Variants in JADE1 observed in about 807,000 individuals in gnomAD.
The protein encoded by JADE1 is jade family PHD finger 1.
Under a neutral mutation model 81.8 loss-of-function variants are expected in JADE1, and 14 were observed. The ratio of observed to expected loss-of-function variants is 0.17; its 90% CI spans 0.11 to 0.27. The LOEUF (loss-of-function observed/expected upper bound fraction) is 0.27. Ranked by LOEUF, JADE1 falls within the 10% of genes least tolerant of loss-of-function variation. The pLI is 1.00. For missense variants in JADE1, 690 were observed against 1,047.9 expected (o/e 0.66, Z 4.71); for synonymous variants, 353 against 391.9 (o/e 0.90, Z 1.17).
At chr4:128,828,868 C>A (rs1728293507) in intron 1 of JADE1, among the ~76,000 whole-genome samples, 1 of 152,188 alleles carries the variant, frequency 6.6e-6, no homozygotes, top group Non-Finnish European at 1.5e-5. Context: ...CCGGTCTCAA[C>A]TCCTAGGTTC....
intron 7 of JADE1, among the ~76,000 whole-genome samples, chr4:128,857,050 C>T (rs776076639): frequency 2.0e-5 from 3 of 152,140 alleles, no homozygotes; most frequent in Non-Finnish European, 2.9e-5. Context: ...CGGCATTGTC[C>T]TGGTACATGA....
At chr4:128,819,905 C>T (rs984174535) in intron 1 of JADE1, among the ~76,000 whole-genome samples, 6 of 152,136 alleles carry the variant, frequency 3.9e-5, no homozygotes, top group African/African-American at 1.4e-4. Context: ...GGAGAGTGCC[C>T]CTCCACCCAC....
chr4:128,857,222 C>T, intron 7 of JADE1, 116 bp from the exon 8 acceptor site: 2 of 809,504 alleles, frequency 2.5e-6, no homozygotes, highest in Admixed American at 2.0e-5. Flanking sequence ...GTGGGTGCCC[C>T]TTGCCACTGT....
At chr4:128,861,598 T>C in intron 8 of JADE1, 106 bp from the exon 9 acceptor site, 1 of 1,234,856 alleles carries the variant, frequency 8.1e-7, no homozygotes, top group Non-Finnish European at 1.1e-6. Flanking sequence ...GCTTGAAGCA[T>C]GGCTCTTCTC....
intron 6 of JADE1, among the ~76,000 whole-genome samples, chr4:128,853,982 G>C (rs1409819114): frequency 6.6e-6 from 1 of 152,238 alleles, no homozygotes; most frequent in Non-Finnish European, 1.5e-5. Context: ...TTTGTTCTGT[G>C]ACATGAGCAT....
chr4:128,859,066 T>C (rs1374677588), intron 8 of JADE1, among the ~76,000 whole-genome samples: 1 of 152,292 alleles, frequency 6.6e-6, no homozygotes, highest in African/African-American at 2.4e-5. Flanking sequence ...GGAGATATTT[T>C]TGGCATGTGA....
intron 1 of JADE1, among the ~76,000 whole-genome samples, chr4:128,822,012 T>C (rs2125804863): frequency 6.6e-6 from 1 of 152,358 alleles, no homozygotes; most frequent in South Asian, 2.1e-4. Flanking sequence ...TTACCTTTTC[T>C]CTTTTTTTTC....
chr4:128,836,393 A>G (rs1014428021), intron 2 of JADE1, among the ~76,000 whole-genome samples: 3 of 152,082 alleles, frequency 2.0e-5, no homozygotes, highest in African/African-American at 4.8e-5. Flanking sequence ...AAGAGGAAAT[A>G]TATATGTATA....
At chr4:128,812,407 G>T (rs1374421262) in intron 1 of JADE1, among the ~76,000 whole-genome samples, 1 of 151,880 alleles carries the variant, frequency 6.6e-6, no homozygotes, top group Non-Finnish European at 1.5e-5. Flanking sequence ...AGCGTTCGCC[G>T]CTGCGGGGCG....
At chr4:128,870,343 A>G (rs1052996659) in intron 10 of JADE1, among the ~76,000 whole-genome samples, 7 of 151,456 alleles carry the variant, frequency 4.6e-5, no homozygotes, top group African/African-American at 1.7e-4. Flanking sequence ...AGGTTCTCAT[A>G]TGGCCTCCTG....
At chr4:128,867,590 A>G (rs1263539937) in intron 9 of JADE1, among the ~76,000 whole-genome samples, 1 of 152,198 alleles carries the variant, frequency 6.6e-6, no homozygotes, top group Non-Finnish European at 1.5e-5. Context: ...CTTTTGTAGG[A>G]GTTCTCTAGG....
At chr4:128,833,765 T>TAAG in intron 2 of JADE1, among the ~76,000 whole-genome samples, 2 of 152,350 alleles carry the variant, frequency 1.3e-5, no homozygotes, top group East Asian at 1.9e-4. Flanking sequence ...CATATAAAGA[T>TAAG]AATGCCCAAT....
chr4:128,833,700 A>G (rs1728742510), intron 2 of JADE1, among the ~76,000 whole-genome samples: 1 of 152,182 alleles, frequency 6.6e-6, no homozygotes, highest in Non-Finnish European at 1.5e-5. Flanking sequence ...TCTCGAAAAA[A>G]AATTCTTGCT....
chr4:128,863,027 ACG>A, intron 9 of JADE1: 3 of 985,406 alleles, frequency 3.0e-6, no homozygotes, highest in Non-Finnish European at 3.6e-6. Flanking sequence ...CATGCTCAGC[ACG>A]CTACAGATGT....
chr4:128,862,335 T>C (rs1343177406), intron 9 of JADE1, 110 bp downstream of exon 9: 12 of 1,514,796 alleles, frequency 7.9e-6, no homozygotes, highest in Non-Finnish European at 1.1e-5. Context: ...CAGACCCTTG[T>C]ACACACCACA....
intron 1 of JADE1, chr4:128,811,949 G>C (rs1460455236): frequency 6.6e-6 from 1 of 151,594 alleles, no homozygotes; most frequent in African/African-American, 2.4e-5. Context: ...ACCGTTTCTC[G>C]CCGGCGCGCC....
chr4:128,872,327 TGTG>T lies in JADE1; in HGVS notation c.*67_*69del. ...TGGGTTTGCTAGAGGAGAGCTCTGA[TGTG>T]GGGGAGAAGCAGAAACCCATTAATC... On this transcript the variant is annotated 3_prime_UTR_variant, in exon 11 of 11. Transcript: ENST00000226319. 1 of 1,390,700 alleles carries T rather than the reference TGTG, an allele frequency of 7.2e-7. No homozygotes were observed. The highest frequency in any genetic ancestry group is 9.9e-7 in the Non-Finnish European group (1 of 1,005,422). 86.1% of individuals were successfully genotyped at this position (1,390,700 alleles called of 1,614,324 possible).
intron 2 of JADE1, 90 bp downstream of exon 2, chr4:128,831,900 G>T: frequency 1.7e-6 from 2 of 1,180,732 alleles, no homozygotes; most frequent in Non-Finnish European, 2.5e-6. Context: ...AAATTGCTGA[G>T]GCCCTTTGCA....
In JADE1 at chr4:128,851,599, T is replaced by C. The variant is rs560622848; in HGVS notation, c.485-458T>C. On this transcript the variant is annotated intron_variant, in intron 5 of 10. Coordinates refer to ENST00000226319, the MANE Select transcript of JADE1 (RefSeq NM_199320.4). ...AAGACTCTCCCCTTTGAAGATTGTT[T>C]CTTAGAAGGATCTGATAAGCATTTA... Among the ~76,000 whole-genome samples, 18 of 152,352 alleles carry C rather than the reference T, an allele frequency of 1.2e-4. No individual in the cohort carries two copies. The South Asian group carries it at 3.3e-3, about 28-fold the overall frequency.
Sources: gnomAD v4.1 joint callset for allele counts (sites outside exome capture counted in the v4.1 genomes callset) on GRCh38, gnomAD v4.1.1 for gene constraint, MANE v1.5 for transcripts, NCBI Gene and HGNC (gene_info 2026-07-23, HGNC 2026-07-21) for gene names.